Variants in SELENON observed in about 807,000 individuals in gnomAD.
SELENON encodes selenoprotein N, 1.
A neutral mutation model predicts 59.5 loss-of-function variants in SELENON; 44 were observed. That is an observed-to-expected ratio of 0.74 (90% CI 0.58 to 0.95). SELENON has a LOEUF of 0.95. Ranked by LOEUF, SELENON falls within the 40% of genes least tolerant of loss-of-function variation. The pLI is 0.00. For missense variants in SELENON, 674 were observed against 721.4 expected (o/e 0.93, Z 0.75); for synonymous variants, 320 against 305.6 (o/e 1.05, Z -0.49).
At position 25,809,034 on chromosome 1, in the gene SELENON, C is replaced by T; in HGVS notation, c.756C>T (p.Ile252=). ...CCTCCCGCCGCCCCCAGGTCATCAT[C>T]CACCGGCTCCTGAGCATGTTCCACC... The change falls in exon 6 of 13, where the codon ATC becomes ATT. Residue 252 remains isoleucine (I), a synonymous_variant. Transcript: ENST00000361547. The T allele has an allele frequency of 6.2e-7, 1 of 1,613,736 alleles. No individual in the cohort carries two copies. The highest frequency in any genetic ancestry group is 8.5e-7 in the Non-Finnish European group (1 of 1,180,024).
chr1:25,808,350 T>G (rs2047926245), intron 4 of SELENON, among the ~76,000 whole-genome samples: 1 of 18,014 alleles, frequency 5.6e-5, no homozygotes, highest in Admixed American at 7.0e-4. Flanking sequence ...TGTGCCTGGG[T>G]GGGCTGTGCC....
rs2047846876 is a variant in SELENON at position 25,800,216 on chromosome 1, C to T, written c.-15C>T. 3.0e-6 allele frequency: 2 copies of T among 669,354 alleles called. No homozygotes were observed. Among genetic ancestry groups the T allele is most frequent in the Non-Finnish European group, 3.7e-6 (2 of 543,890 alleles). The allele number at this position is 669,354 out of a possible 1,614,324, so 41.5% of individuals were successfully genotyped here. ...TCGCTTCCCGGGCCGCCGGCAGCCGCCGCCAGCCGCAGCCATGGGCCGGGC... is the reference window on the plus strand; with the variant it reads ...TCGCTTCCCGGGCCGCCGGCAGCCGTCGCCAGCCGCAGCCATGGGCCGGGC... On this transcript the variant is annotated 5_prime_UTR_variant, in exon 1 of 13. Coordinates refer to ENST00000361547, the MANE Select transcript of SELENON (RefSeq NM_020451.3).
At chr1:25,804,996 A>G (rs2047893128) in intron 3 of SELENON, 146 bp from the exon 3 acceptor site, 1 of 955,372 alleles carries the variant, frequency 1.0e-6, no homozygotes, top group Admixed American at 1.7e-5. Flanking sequence ...AATGCGATAC[A>G]CTGGTTGTTA....
intron 10 of SELENON, 116 bp downstream of exon 9, chr1:25,812,908 G>C: frequency 1.3e-6 from 1 of 752,410 alleles, no homozygotes; most frequent in Non-Finnish European, 2.2e-6. Context: ...CTCAGGGACT[G>C]CCCATGGTAG....
chr1:25,806,793 G>A (rs953902791), intron 4 of SELENON, among the ~76,000 whole-genome samples: 1 of 151,962 alleles, frequency 6.6e-6, no homozygotes, highest in Non-Finnish European at 1.5e-5. Context: ...GCCCAGCCCA[G>A]GGAAGCAGTG....
chr1:25,807,720 G>C lies in SELENON; in HGVS notation c.538-860G>C, dbSNP rs1268356237. Among the ~76,000 whole-genome samples the C allele has an allele frequency of 1.3e-5, 2 of 152,184 alleles. No homozygotes were observed. The highest frequency in any genetic ancestry group is 4.8e-5 in the African/African-American group (2 of 41,448). The stretch of plus-strand genomic sequence containing the variant: ...CTGTCTCTGTGGGAGCTCCCTGCCT[G>C]CTTTCCTCCTACCTCCCACCAAGCC... On this transcript the variant is annotated intron_variant, in intron 4 of 12. Coordinates refer to ENST00000361547, the MANE Select transcript of SELENON (RefSeq NM_020451.3). The surrounding 1 kb of genome is among the most constrained non-coding windows in gnomAD (Gnocchi z 4.5).
chr1:25,801,015 G>C (rs752838248), intron 1 of SELENON, 28 bp from the exon 2 acceptor site: 4 of 1,592,664 alleles, frequency 2.5e-6, no homozygotes, highest in Middle Eastern at 1.7e-4. Context: ...GCCAAATGGT[G>C]CCCAGCCCAG....
Position 25,808,067 on chromosome 1 carries a change from C to T in SELENON, c.538-513C>T, listed in dbSNP as rs1047233159. ...ACCCTCATCGGACTTAGCTCCAAAC[C>T]GAAACCCTGAGCTGGCCAGTGGGAC... On this transcript the variant is annotated intron_variant, in intron 4 of 12. Coordinates refer to ENST00000361547, the MANE Select transcript of SELENON (RefSeq NM_020451.3). Among the ~76,000 whole-genome samples the T allele has an allele frequency of 9.2e-5, 14 of 152,228 alleles. No individual in the cohort carries two copies. In the South Asian group the frequency reaches 1.9e-3, roughly 20 times the overall value.
intron 12 of SELENON, 104 bp downstream of exon 11, chr1:25,814,282 T>C (rs1055120012): frequency 5.4e-5 from 45 of 830,952 alleles, no homozygotes; most frequent in Non-Finnish European, 7.0e-5. Context: ...TTCGGGACTG[T>C]CCCTGCCACT....
At position 25,808,595 on chromosome 1, in the gene SELENON, C is replaced by T. The variant is rs778890082; in HGVS notation, c.553C>T (p.Leu185=). 3.7e-6 allele frequency: 6 copies of T among 1,613,798 alleles called. No homozygotes were observed. Among genetic ancestry groups the T allele is most frequent in the Non-Finnish European group, 4.2e-6 (5 of 1,179,918 alleles). Residue 185 remains leucine (L), a synonymous_variant, in exon 5 of 13, where the codon CTG becomes TTG. Transcript: ENST00000361547. ...CCCGCCCCAGGTCTCCCGCCTCGCC[C>T]TGTCCGGCCTCCGAAACTGGACAGC...
Position 25,811,496 on chromosome 1 carries a change from AAGC to A in SELENON, c.1058_1060del (p.Ser353del). 1 of 1,614,112 alleles carries A rather than the reference AAGC, an allele frequency of 6.2e-7. No individual in the cohort carries two copies. Among genetic ancestry groups the A allele is most frequent in the Non-Finnish European group, 8.5e-7 (1 of 1,180,046 alleles). On this transcript the variant is annotated inframe_deletion, in exon 8 of 13. Transcript: ENST00000361547. Reference sequence around the variant, plus strand: ...TGGAGTGGCTTTACGGGGCCAGTGAAAGCAGCAACATGGAGGTGGACATCGGCT... The same window carrying A: ...TGGAGTGGCTTTACGGGGCCAGTGAAAGCAACATGGAGGTGGACATCGGCT...
chr1:25,808,095 T>C (rs1222508775), intron 4 of SELENON, among the ~76,000 whole-genome samples: 1 of 152,214 alleles, frequency 6.6e-6, no homozygotes, highest in Non-Finnish European at 1.5e-5. Context: ...AGTGGGACAT[T>C]AGTCCCTGGG....
At position 25,812,564 on chromosome 1, in the gene SELENON, AACACACACACACAC is replaced by A. The variant is rs59333545; in HGVS notation, c.1282-94_1282-81del. The stretch of plus-strand genomic sequence containing the variant: ...ACACAAATATATATGCCTACACACA[AACACACACACACAC>A]ACACACACACACACACACACACACA... On this transcript the variant is annotated intron_variant, in intron 9 of 12. Transcript: ENST00000361547. 1,887 of 574,368 alleles carry A rather than the reference AACACACACACACAC, an allele frequency of 3.3e-3. 13 individuals carry two copies. The highest frequency in any genetic ancestry group is 0.03 in the African/African-American group (1,348 of 45,486). The allele number at this position is 574,368 out of a possible 1,614,324, so 35.6% of individuals were successfully genotyped here. A position where few individuals can be genotyped will look rare whatever the true frequency, so the allele number is the denominator to read the frequency against.
chr1:25,812,804 G>GGCTGGATCTAAGGGGAGCAGTGGGAAA lies in SELENON; in HGVS notation c.1387+14_1387+40dup. 1.3e-6 allele frequency: 2 copies of GGCTGGATCTAAGGGGAGCAGTGGGAAA among 1,596,952 alleles called. No homozygotes were observed. Among genetic ancestry groups the GGCTGGATCTAAGGGGAGCAGTGGGAAA allele is most frequent in the Non-Finnish European group, 1.7e-6 (2 of 1,166,872 alleles). The stretch of plus-strand genomic sequence containing the variant: ...CCAGTCCTGCTGAGGTGAGGGGCCC[G>GGCTGGATCTAAGGGGAGCAGTGGGAAA]GCTGGATCTAAGGGGAGCAGTGGGA... On this transcript the variant is annotated intron_variant, in intron 10 of 12. Coordinates refer to ENST00000361547, the MANE Select transcript of SELENON (RefSeq NM_020451.3).
chr1:25,804,678 A>G (rs1304483960), intron 3 of SELENON, among the ~76,000 whole-genome samples: 1 of 125,134 alleles, frequency 8.0e-6, no homozygotes, highest in Admixed American at 9.3e-5. Context: ...AAAAAAAAGC[A>G]GGGGAAAGTG....
rs2047936766 is a variant in SELENON, at chr1:25,809,158, G to A, written c.872+8G>A. The A allele has an allele frequency of 6.2e-7, 1 of 1,613,592 alleles. No homozygotes were observed. The highest frequency in any genetic ancestry group is 8.5e-7 in the Non-Finnish European group (1 of 1,179,990). ...CTACACTGTGATGTTCCGGTGAGTG[G>A]GCCACACTGGCTGGCCTGGAGCACC... On this transcript the variant is annotated splice_region_variant and intron_variant, in intron 6 of 12. Transcript: ENST00000361547.
rs121908186 is a variant in SELENON, at chr1:25,812,763, G to C, written c.1358G>C (p.Trp453Ser). ...AAGCTGGTGCACTCAATCCTGCTGT[G>C]GGGGGCCCTGGATGACCAGTCCTGC... The change falls in exon 10 of 13, where the codon TGG (tryptophan) becomes TCG (serine). Residue 453 changes from tryptophan to serine, a missense_variant. Coordinates refer to ENST00000361547, the MANE Select transcript of SELENON (RefSeq NM_020451.3). The C allele has an allele frequency of 9.3e-6, 15 of 1,613,278 alleles. No homozygotes were observed. The highest frequency in any genetic ancestry group is 1.3e-5 in the Non-Finnish European group (15 of 1,179,770).
intron 2 of SELENON, among the ~76,000 whole-genome samples, chr1:25,801,677 C>T (rs1011536291): frequency 3.5e-5 from 4 of 115,620 alleles, no homozygotes; most frequent in Non-Finnish European, 3.8e-5. Flanking sequence ...ACAAACAAAG[C>T]AAAACCAAAA....
Position 25,816,103 on chromosome 1 carries a change from C to T in SELENON, c.*385C>T, listed in dbSNP as rs866722711. 1 of 177,406 alleles carries T rather than the reference C, an allele frequency of 5.6e-6. No individual in the cohort carries two copies. Among genetic ancestry groups the T allele is most frequent in the African/African-American group, 2.4e-5 (1 of 42,250 alleles). 11.0% of individuals were successfully genotyped at this position (177,406 alleles called of 1,614,324 possible). A position where few individuals can be genotyped will look rare whatever the true frequency, so the allele number is the denominator to read the frequency against. ...AGGCTAGGAAGACGGGGCCACCACC[C>T]TCTCCTTGCTTTCAGCCCTTCCCAC... is the stretch of plus-strand genomic sequence containing the variant. On this transcript the variant is annotated 3_prime_UTR_variant, in exon 13 of 13. Transcript: ENST00000361547.
Sources: allele counts gnomAD v4.1 joint callset (sites outside exome capture counted in the v4.1 genomes callset), GRCh38; gene constraint gnomAD v4.1.1; non-coding constraint Gnocchi (gnomAD v3.1); transcripts MANE v1.5; gene names NCBI Gene and HGNC (gene_info 2026-07-23, HGNC 2026-07-21).